The following C11orf97 variants were observed in gnomAD, a reference collection of about 807,000 sequenced individuals.
C11orf97 encodes the protein chromosome 11 open reading frame 97.
A neutral mutation model predicts 16.2 loss-of-function variants in C11orf97; 15 were observed. That is an observed-to-expected ratio of 0.93 (90% confidence interval 0.62 to 1.43). C11orf97 has a LOEUF of 1.43. Among genes scored for constraint, C11orf97 ranks in the 40% most tolerant of loss-of-function variants. C11orf97 has a pLI of 0.00. For synonymous variants in C11orf97, 61 were observed against 65.7 expected, an observed-to-expected ratio of 0.93 and a Z score of 0.34; for missense variants, 171 against 161.2, an observed-to-expected ratio of 1.06 and a Z score of -0.33.
intron 1 of C11orf97, 35 bp from the exon 2 acceptor site, chr11:94,517,548 A>T (rs1319966567): frequency 7.6e-7 from 1 of 1,308,486 alleles, no homozygotes; most frequent in Non-Finnish European, 1.0e-6. Flanking sequence ...GGCAGTATTT[A>T]TACTAAGTAA....
At chr11:94,519,411 A>G (rs1028884184) in intron 2 of C11orf97, among the ~76,000 whole-genome samples, 2 of 150,680 alleles carry the variant, frequency 1.3e-5, no homozygotes, top group Non-Finnish European at 3.0e-5. Flanking sequence ...TACATGTACT[A>G]TTTTCCTGGT....
chr11:94,530,745 C>T (rs183029329), intron 3 of C11orf97, among the ~76,000 whole-genome samples: 112 of 152,296 alleles, frequency 7.4e-4, no homozygotes, highest in Non-Finnish European at 1.1e-3. Context: ...AAAAGTATAT[C>T]GTTTTCTCTA....
chr11:94,524,534 A>G (rs1440842211), intron 2 of C11orf97, among the ~76,000 whole-genome samples: 2 of 150,404 alleles, frequency 1.3e-5, no homozygotes, highest in Non-Finnish European at 3.0e-5. Flanking sequence ...CTGCATTCCT[A>G]TCAGATAAGG....
chr11:94,528,603 C>G (rs1400796564), intron 3 of C11orf97, among the ~76,000 whole-genome samples: 1 of 152,236 alleles, frequency 6.6e-6, no homozygotes, highest in Non-Finnish European at 1.5e-5. Flanking sequence ...GAAGGAAGAA[C>G]ATGGCAGCCA....
intron 2 of C11orf97, among the ~76,000 whole-genome samples, chr11:94,519,497 C>A (rs967017619): frequency 6.6e-5 from 10 of 152,062 alleles, no homozygotes; most frequent in Non-Finnish European, 1.2e-4. Context: ...TACATAAAAG[C>A]TAGTTTATAC....
At chr11:94,517,901 G>A (rs899688031) in intron 2 of C11orf97, among the ~76,000 whole-genome samples, 1 of 152,038 alleles carries the variant, frequency 6.6e-6, no homozygotes, top group African/African-American at 2.4e-5. Flanking sequence ...TGTAATCCCA[G>A]CACTTTGGGA....
At chr11:94,526,326 C>T (rs187511058) in intron 2 of C11orf97, among the ~76,000 whole-genome samples, 10 of 152,268 alleles carry the variant, frequency 6.6e-5, no homozygotes, top group African/African-American at 2.4e-4. Flanking sequence ...CAACCATTAT[C>T]CCTGAATATA....
At chr11:94,531,647 G>A (rs1431901127) in intron 3 of C11orf97, among the ~76,000 whole-genome samples, 1 of 151,812 alleles carries the variant, frequency 6.6e-6, no homozygotes, top group Non-Finnish European at 1.5e-5. Context: ...GGTGGGGTCT[G>A]AGATTCTGTA....
intron 3 of C11orf97, among the ~76,000 whole-genome samples, chr11:94,531,347 C>G (rs7934286): frequency 0.28 from 42,250 of 151,762 alleles, 6,561 homozygotes; most frequent in African/African-American, 0.42. Context: ...GCTGAAGAAC[C>G]AGAATCGCTT....
Position 94,531,905 on chromosome 11 carries a change from A to C in C11orf97, c.*5A>C, listed in dbSNP as rs1565255689. On this transcript the variant is annotated 3_prime_UTR_variant, in exon 4 of 4. Transcript: ENST00000542198. ...TTTTTTTTAACTCTAGGATAAGATG[A>C]ATTAGATTTTCCATTAAGAAGGAAC... The C allele has an allele frequency of 6.8e-7, 1 of 1,469,494 alleles. No individual in the cohort carries two copies. The highest frequency in any genetic ancestry group is 2.6e-5 in the East Asian group (1 of 39,182). The allele number at this position is 1,469,494 out of a possible 1,614,324, so 91.0% of individuals were successfully genotyped here.
intron 1 of C11orf97, among the ~76,000 whole-genome samples, chr11:94,515,439 G>A (rs529950674): frequency 1.3e-5 from 2 of 152,142 alleles, no homozygotes; most frequent in African/African-American, 4.8e-5. Flanking sequence ...GACATCTATC[G>A]ACCAATCCAC....
chr11:94,523,274 A>T (rs1428686430), intron 2 of C11orf97, among the ~76,000 whole-genome samples: 1 of 152,192 alleles, frequency 6.6e-6, no homozygotes, highest in East Asian at 1.9e-4. Flanking sequence ...GATATTCCCA[A>T]GCCTGTCTAA....
At chr11:94,521,747 G>A (rs1947659133) in intron 2 of C11orf97, among the ~76,000 whole-genome samples, 1 of 152,176 alleles carries the variant, frequency 6.6e-6, no homozygotes, top group Admixed American at 6.5e-5. Context: ...GATTCTGAGA[G>A]GTGTTTAACT....
At chr11:94,521,398 G>T (rs1017046069) in intron 2 of C11orf97, among the ~76,000 whole-genome samples, 4 of 152,212 alleles carry the variant, frequency 2.6e-5, no homozygotes. Flanking sequence ...GCAATGCTGG[G>T]CAGTGGCCAT....
At chr11:94,516,320 T>C (rs1947611134) in intron 1 of C11orf97, among the ~76,000 whole-genome samples, 1 of 152,212 alleles carries the variant, frequency 6.6e-6, no homozygotes, top group African/African-American at 2.4e-5. Flanking sequence ...CTAAAGTATT[T>C]GGTTGTTTAG....
chr11:94,519,778 C>T (rs1050619357), intron 2 of C11orf97, among the ~76,000 whole-genome samples: 24 of 152,196 alleles, frequency 1.6e-4, no homozygotes, highest in African/African-American at 5.6e-4. Context: ...TATGGGAAAT[C>T]CCGCTGTTTT....
intron 1 of C11orf97, among the ~76,000 whole-genome samples, chr11:94,514,496 A>C (rs531013161): frequency 5.4e-4 from 83 of 152,326 alleles, no homozygotes; most frequent in Middle Eastern, 3.4e-3. Context: ...TATTCCCTAT[A>C]TTCCCTAATC....
chr11:94,526,242 T>A (rs940410107), intron 2 of C11orf97, among the ~76,000 whole-genome samples: 2 of 152,158 alleles, frequency 1.3e-5, no homozygotes, highest in African/African-American at 4.8e-5. Flanking sequence ...TTTTATCCAG[T>A]CAAATATATC....
intron 2 of C11orf97, among the ~76,000 whole-genome samples, chr11:94,525,779 A>G (rs965574742): frequency 2.0e-5 from 3 of 152,230 alleles, no homozygotes; most frequent in Non-Finnish European, 4.4e-5. Flanking sequence ...TCCAATGTTC[A>G]TTATTTACAA....
Sources: allele counts gnomAD v4.1 joint callset (sites outside exome capture counted in the v4.1 genomes callset), GRCh38; gene constraint gnomAD v4.1.1; transcripts MANE v1.5; gene names NCBI Gene and HGNC (gene_info 2026-07-23, HGNC 2026-07-21).